Variants in RNF213 observed in about 807,000 individuals in gnomAD.
RNF213 encodes ring finger protein 213, also known as E3 ubiquitin-protein ligase RNF213.
In RNF213, 341 loss-of-function variants were observed where a neutral mutation model predicts 514.4. That is an observed-to-expected ratio of 0.66 (90% CI 0.61 to 0.73). The LOEUF is 0.73. Ranked by LOEUF, RNF213 falls within the 30% of genes least tolerant of loss-of-function variation. The pLI, the probability that RNF213 is intolerant of heterozygous loss-of-function variation, is 0.00. For missense variants in RNF213, 5,767 were observed against 6,615.6 expected (o/e 0.87, Z 4.45); for synonymous variants, 2,655 against 2,658.2 (o/e 1.00, Z 0.04).
intron 2 of RNF213, among the ~76,000 whole-genome samples, chr17:80,273,022 T>A (rs974922372): frequency 3.3e-5 from 5 of 152,112 alleles, no homozygotes; most frequent in Non-Finnish European, 7.4e-5. Context: ...AGTCTTTCTG[T>A]CTGATTCACC....
In RNF213 at chr17:80,361,664, G is replaced by A. The variant is rs556200707; in HGVS notation, c.11201-70G>A. 4 of 1,562,548 alleles carry A rather than the reference G, an allele frequency of 2.6e-6. No individual in the cohort carries two copies. In the African/African-American group the frequency reaches 5.4e-5, roughly 21 times the overall value. ...CGTCCCCATTCCCCTTCACTCCGGAGCCCCCTGGAGGCAGGGGAGCGCCAT... is the reference window on the plus strand; with the variant it reads ...CGTCCCCATTCCCCTTCACTCCGGAACCCCCTGGAGGCAGGGGAGCGCCAT... On this transcript the variant is annotated intron_variant, in intron 38 of 67. Transcript: ENST00000582970.
At chr17:80,370,191 TTC>T (rs1215827781) in intron 46 of RNF213, among the ~76,000 whole-genome samples, 2 of 152,152 alleles carry the variant, frequency 1.3e-5, no homozygotes, top group African/African-American at 4.8e-5. Context: ...CAGCGCAACT[TTC>T]TGATTTTTCA....
At chr17:80,388,295 T>C (rs1054662519) in intron 63 of RNF213, among the ~76,000 whole-genome samples, 1 of 152,222 alleles carries the variant, frequency 6.6e-6, no homozygotes, top group Admixed American at 6.5e-5. Flanking sequence ...GGTCTGTGCC[T>C]TTAGTGGCTG....
chr17:80,346,937 T>C lies in RNF213; in HGVS notation c.8602T>C (p.Cys2868Arg), dbSNP rs781473234. 8.1e-6 allele frequency: 13 copies of C among 1,613,928 alleles called. No homozygotes were observed. Among genetic ancestry groups the C allele is most frequent in the Admixed American group, 3.3e-5 (2 of 59,982 alleles). The stretch of plus-strand genomic sequence containing the variant: ...TCTGCACCCGCTGCTGGAAGACGGA[T>C]GCATTGAAGACGATCCCGCCCCCCA... Reference protein sequence around the residue: ...KTLHPLLEDGCIEDDPAPHKK... With the variant: ...KTLHPLLEDGRIEDDPAPHKK... The change falls in exon 29 of 68, where the codon TGC (cysteine) becomes CGC (arginine). Residue 2868 changes from cysteine to arginine, a missense_variant. Cys to Arg is a radical substitution (Grantham distance 180, BLOSUM62 -3). Coordinates refer to ENST00000582970, the MANE Select transcript of RNF213 (RefSeq NM_001256071.3). This position sits in a 1 kb window ranked among gnomAD's most constrained non-coding sequence, Gnocchi z 8.1.
At position 80,394,136 on chromosome 17, in the gene RNF213, T is replaced by C. The variant is rs1191637192; in HGVS notation, c.*638T>C. 1.3e-5 allele frequency: 2 copies of C among 153,284 alleles called. No homozygotes were observed. Among genetic ancestry groups the C allele is most frequent in the South Asian group, 2.0e-4 (1 of 4,900 alleles). 9.5% of individuals were successfully genotyped at this position (153,284 alleles called of 1,614,324 possible). On this transcript the variant is annotated 3_prime_UTR_variant, in exon 68 of 68. Coordinates refer to ENST00000582970, the MANE Select transcript of RNF213 (RefSeq NM_001256071.3). ...CAGAGGGTAAGAGCCAAAAGCCTCA[T>C]TGTGAAAGGCACTGGACTTGGACCA... is the stretch of plus-strand genomic sequence containing the variant.
Position 80,333,367 on chromosome 17 carries a change from C to T in RNF213, c.4143+736C>T, listed in dbSNP as rs902752343. Among the ~76,000 whole-genome samples, 3 of 148,102 alleles carry T rather than the reference C, an allele frequency of 2.0e-5. No individual in the cohort carries two copies. The East Asian group carries it at 6.5e-4, about 32-fold the overall frequency. The stretch of plus-strand genomic sequence containing the variant: ...GAGCCACCGTGCCCGGCTGAGTCTT[C>T]TGCTTCTTATGTTTTTAGGTAGACC... On this transcript the variant is annotated intron_variant, in intron 21 of 67. Transcript: ENST00000582970.
At chr17:80,380,569 T>G (rs2079951314) in intron 55 of RNF213, among the ~76,000 whole-genome samples, 1 of 152,200 alleles carries the variant, frequency 6.6e-6, no homozygotes, top group Non-Finnish European at 1.5e-5. Flanking sequence ...GGCCTGCGTC[T>G]TAACACCCTG....
chr17:80,355,113 C>A (rs577506214), intron 36 of RNF213: 1 of 437,594 alleles, frequency 2.3e-6, no homozygotes, highest in South Asian at 1.6e-5. Context: ...GACAGAGGGT[C>A]TCTTTAAGAC....
rs111321460 is a variant in RNF213, at chr17:80,316,814, T to C, written c.2812-374T>C. Among the ~76,000 whole-genome samples the C allele has an allele frequency of 7.9e-5, 12 of 152,378 alleles. No individual in the cohort carries two copies. The East Asian group carries it at 2.3e-3, about 29-fold the overall frequency. Reference sequence around the variant, plus strand: ...GAGAGGAAGAGTGAAAGCAGCTGTGTGAAGCGTGAATCGCACAGGACTGGA... The same window carrying C: ...GAGAGGAAGAGTGAAAGCAGCTGTGCGAAGCGTGAATCGCACAGGACTGGA... On this transcript the variant is annotated intron_variant, in intron 15 of 67. Coordinates refer to ENST00000582970, the MANE Select transcript of RNF213 (RefSeq NM_001256071.3).
chr17:80,295,473 T>C (rs1189028295), intron 9 of RNF213, 84 bp from the exon 10 acceptor site: 2 of 1,552,076 alleles, frequency 1.3e-6, no homozygotes, highest in Non-Finnish European at 1.8e-6. Context: ...TCTGCTGCCC[T>C]AGCTGTGGTG....
At chr17:80,351,913 G>T in intron 32 of RNF213, 110 bp downstream of exon 32, 1 of 658,830 alleles carries the variant, frequency 1.5e-6, no homozygotes, top group South Asian at 1.6e-5. Flanking sequence ...GGAGTGCAGT[G>T]GCGCGATCTC....
chr17:80,347,949 A>T lies in RNF213; in HGVS notation c.9614A>T (p.His3205Leu). The T allele has an allele frequency of 6.2e-7, 1 of 1,613,964 alleles. No individual in the cohort carries two copies. The highest frequency in any genetic ancestry group is 8.5e-7 in the Non-Finnish European group (1 of 1,179,838). Residue 3205 changes from histidine (H) to leucine (L), a missense_variant, in exon 29 of 68, where the codon CAT becomes CTT. By Grantham distance (99) the His-to-Leu change is moderately conservative. Transcript: ENST00000582970. This position sits in a 1 kb window ranked among gnomAD's most constrained non-coding sequence, Gnocchi z 7.2. ...VEKFINVKAH[H>L]FQKRHKYSPS... The stretch of plus-strand genomic sequence containing the variant: ...AAGTTCATCAATGTCAAAGCACATC[A>T]TTTCCAGAAGAGGCACAAATACAGC...
At position 80,351,668 on chromosome 17, in the gene RNF213, T is replaced by A; in HGVS notation, c.10185-17T>A. On this transcript the variant is annotated splice_polypyrimidine_tract_variant and intron_variant, in intron 31 of 67. Coordinates refer to ENST00000582970, the MANE Select transcript of RNF213 (RefSeq NM_001256071.3). ...TTTGTTTTTAAAATAGGTATTCTTT[T>A]TTTTTTCTTTAAATAGGTATTCTGT... The A allele has an allele frequency of 7.6e-7, 1 of 1,311,462 alleles. No individual in the cohort carries two copies. Among genetic ancestry groups the A allele is most frequent in the Non-Finnish European group, 1.1e-6 (1 of 908,122 alleles). 81.2% of individuals were successfully genotyped at this position (1,311,462 alleles called of 1,614,324 possible). A position where few individuals can be genotyped will look rare whatever the true frequency, so the allele number is the denominator to read the frequency against.
chr17:80,272,141 G>A (rs539448154), intron 2 of RNF213, among the ~76,000 whole-genome samples: 75 of 151,962 alleles, frequency 4.9e-4, no homozygotes, highest in African/African-American at 1.5e-3. Context: ...AAAATTAGCC[G>A]GGTGTGGTGG....
chr17:80,335,040 G>C (rs2077947407), intron 22 of RNF213, among the ~76,000 whole-genome samples: 1 of 150,122 alleles, frequency 6.7e-6, no homozygotes, highest in Admixed American at 6.6e-5. Context: ...TCCTGTCTCA[G>C]TCTCCTGAGT....
At chr17:80,323,826 C>CTTTTT (rs934577031) in intron 17 of RNF213, among the ~76,000 whole-genome samples, 1 of 85,834 alleles carries the variant, frequency 1.2e-5, no homozygotes, top group African/African-American at 5.1e-5. Flanking sequence ...TTTCTAAGTA[C>CTTTTT]TTTTTTTTGG....
In RNF213 at chr17:80,389,217, G is replaced by GC. The variant is rs1815076258; in HGVS notation, c.15046dup (p.Gln5016ProfsTer8). On this transcript the variant is annotated frameshift_variant, in exon 65 of 68. Transcript: ENST00000582970. LOFTEE classifies it high-confidence loss of function. ...TCATTAGTGCCATCAGTGGACAGCTGCAGTCCTACAGCGATGCCTGTGAAG... is the reference window on the plus strand; with the variant it reads ...TCATTAGTGCCATCAGTGGACAGCTGCCAGTCCTACAGCGATGCCTGTGAAG... 6.2e-7 allele frequency: 1 copy of GC among 1,614,068 alleles called. No homozygotes were observed. The highest frequency in any genetic ancestry group is 8.5e-7 in the Non-Finnish European group (1 of 1,180,006).
intron 3 of RNF213, among the ~76,000 whole-genome samples, chr17:80,287,505 T>A (rs576419449): frequency 2.0e-3 from 303 of 152,166 alleles, no homozygotes; most frequent in African/African-American, 7.1e-3. Flanking sequence ...TTGTCTCAAA[T>A]AAATAAATAA....
intron 3 of RNF213, among the ~76,000 whole-genome samples, chr17:80,287,254 G>A (rs1047103675): frequency 1.3e-5 from 2 of 152,266 alleles, no homozygotes; most frequent in African/African-American, 4.8e-5. Context: ...CCAGGACCTT[G>A]GGAGGCCGAG....
Sources: gnomAD v4.1 joint callset for allele counts (sites outside exome capture counted in the v4.1 genomes callset) on GRCh38, gnomAD v4.1.1 for gene constraint, Gnocchi (gnomAD v3.1) non-coding constraint, MANE v1.5 for transcripts, NCBI Gene and HGNC (gene_info 2026-07-23, HGNC 2026-07-21) for gene names.